PPP6R3: variants seen among roughly 807,000 people sequenced by gnomAD.
The protein encoded by PPP6R3 is serine/threonine-protein phosphatase 6 regulatory subunit 3.
In PPP6R3, 38 loss-of-function variants were observed where a neutral mutation model predicts 110.7. That is an observed-to-expected ratio of 0.34 (90% CI 0.26 to 0.45). The LOEUF (loss-of-function observed/expected upper bound fraction) is 0.45, where lower values mean the gene tolerates loss of function less well. Among genes scored for constraint, PPP6R3 ranks in the 20% least tolerant of loss-of-function variants. PPP6R3 has a pLI of 1.00. For synonymous variants in PPP6R3, 369 were observed against 373.5 expected, an observed-to-expected ratio of 0.99 and a Z score of 0.14; for missense variants, 870 against 1,062.4, an observed-to-expected ratio of 0.82 and a Z score of 2.52.
At chr11:68,563,819 A>G (rs2099441114) in intron 8 of PPP6R3, among the ~76,000 whole-genome samples, 2 of 152,346 alleles carry the variant, frequency 1.3e-5, no homozygotes, top group South Asian at 4.1e-4. Flanking sequence ...AGTAGGTTAT[A>G]ATGAGTATAG....
At position 68,609,952 on chromosome 11, in the gene PPP6R3, AGAG is replaced by A. The variant is rs1464071726; in HGVS notation, c.2503_2505del (p.Glu835del). ...CTCAAGATGCTGCTTGTAAAGACGC[AGAG>A]GAGTGTCCCGAGACTGCAGAGGCGA... On this transcript the variant is annotated inframe_deletion, in exon 23 of 24. Coordinates refer to ENST00000393800, the MANE Select transcript of PPP6R3 (RefSeq NM_001164161.2). 4 of 1,614,180 alleles carry A rather than the reference AGAG, an allele frequency of 2.5e-6. No individual in the cohort carries two copies. In the East Asian group the frequency reaches 6.7e-5, roughly 27 times the overall value.
At chr11:68,484,527 T>A (rs959451432) in intron 1 of PPP6R3, among the ~76,000 whole-genome samples, 3 of 151,814 alleles carry the variant, frequency 2.0e-5, no homozygotes, top group African/African-American at 4.8e-5. Flanking sequence ...GTCCATTTTT[T>A]AATCAGGTTG....
At chr11:68,522,235 A>G (rs921698444) in intron 2 of PPP6R3, among the ~76,000 whole-genome samples, 2 of 152,256 alleles carry the variant, frequency 1.3e-5, no homozygotes, top group African/African-American at 4.8e-5. Flanking sequence ...CTTTGCATCA[A>G]GATCTGCAAA....
In PPP6R3 at chr11:68,511,137, A is replaced by C. The variant is rs1054359018; in HGVS notation, c.-157-8364A>C. ...GGCTGGAGTGCAATGGTGTGATCTC[A>C]GCTCACTGCAACCTCTGCCTCCCGG... On this transcript the variant is annotated intron_variant, in intron 1 of 23. Transcript: ENST00000393800. Among the ~76,000 whole-genome samples the C allele has an allele frequency of 3.4e-5, 5 of 148,402 alleles. No individual in the cohort carries two copies. In the Admixed American group the frequency reaches 3.4e-4, roughly 10 times the overall value.
chr11:68,483,670 C>T (rs2098929377), intron 1 of PPP6R3, among the ~76,000 whole-genome samples: 1 of 152,180 alleles, frequency 6.6e-6, no homozygotes, highest in Admixed American at 6.5e-5. Context: ...TTAGTAGAGA[C>T]AGGGTTTCAC....
chr11:68,487,110 C>T lies in PPP6R3; in HGVS notation c.-158+26283C>T, dbSNP rs574393449. On this transcript the variant is annotated intron_variant, in intron 1 of 23. Transcript: ENST00000393800. The stretch of plus-strand genomic sequence containing the variant: ...TCTAATTCTTCTTTTCTTATGCTTA[C>T]TTTGGAATTAATTTGCTCTACTTTT... 6.6e-5 allele frequency among the ~76,000 whole-genome samples: 10 copies of T among 152,204 alleles called. 1 individual carries two copies. Among genetic ancestry groups the T allele is most frequent in the Non-Finnish European group, 7.4e-5 (5 of 68,020 alleles).
intron 14 of PPP6R3, among the ~76,000 whole-genome samples, chr11:68,577,374 T>C (rs923248659): frequency 2.6e-5 from 4 of 152,242 alleles, no homozygotes; most frequent in Non-Finnish European, 5.9e-5. Flanking sequence ...GGTTCCCACG[T>C]TGATTCCTTT....
At chr11:68,587,503 T>G in intron 15 of PPP6R3, 1 of 199,132 alleles carries the variant, frequency 5.0e-6, no homozygotes, top group Non-Finnish European at 1.0e-5. Flanking sequence ...AGATTGGGGG[T>G]GGAGGAGGTG....
intron 5 of PPP6R3, among the ~76,000 whole-genome samples, chr11:68,548,743 CAGAT>C (rs1270704876): frequency 1.3e-5 from 2 of 152,086 alleles, no homozygotes; most frequent in African/African-American, 4.8e-5. Context: ...AAAATGTAGA[CAGAT>C]GGTGATTTTT....
At chr11:68,500,247 AT>A (rs1326240183) in intron 1 of PPP6R3, among the ~76,000 whole-genome samples, 3 of 151,558 alleles carry the variant, frequency 2.0e-5, no homozygotes, top group Non-Finnish European at 4.4e-5. Context: ...TGATTTTCTA[AT>A]TTTGGCAGTG....
chr11:68,471,537 C>G (rs753882397), intron 1 of PPP6R3, among the ~76,000 whole-genome samples: 7 of 152,136 alleles, frequency 4.6e-5, no homozygotes, highest in African/African-American at 1.7e-4. Context: ...TGGAATTCAT[C>G]GACGATCTTG....
intron 22 of PPP6R3, among the ~76,000 whole-genome samples, chr11:68,607,019 C>G (rs999067433): frequency 6.6e-6 from 1 of 152,136 alleles, no homozygotes; most frequent in Non-Finnish European, 1.5e-5. Context: ...CAGGAATGAT[C>G]TTAACCCAAG....
chr11:68,479,115 A>T (rs1427117241), intron 1 of PPP6R3, among the ~76,000 whole-genome samples: 2 of 152,234 alleles, frequency 1.3e-5, no homozygotes, highest in Non-Finnish European at 2.9e-5. Context: ...TAGGCTATCA[A>T]TAAGCAATCA....
At chr11:68,483,097 T>C (rs1020570478) in intron 1 of PPP6R3, among the ~76,000 whole-genome samples, 1 of 152,232 alleles carries the variant, frequency 6.6e-6, no homozygotes, top group Non-Finnish European at 1.5e-5. Context: ...TTATATTGTT[T>C]AGTGCAGAAA....
At chr11:68,612,175 G>A (rs1339945189) in intron 23 of PPP6R3, among the ~76,000 whole-genome samples, 1 of 152,210 alleles carries the variant, frequency 6.6e-6, no homozygotes, top group Non-Finnish European at 1.5e-5. Flanking sequence ...TTATATACCA[G>A]TTATGTCTAG....
intron 19 of PPP6R3, among the ~76,000 whole-genome samples, chr11:68,597,181 G>A (rs1271355809): frequency 6.6e-6 from 1 of 152,202 alleles, no homozygotes; most frequent in Non-Finnish European, 1.5e-5. Flanking sequence ...GGGTCGGCTG[G>A]GGAAGCAGAT....
chr11:68,494,248 G>C (rs942374506), intron 1 of PPP6R3, among the ~76,000 whole-genome samples: 1 of 149,286 alleles, frequency 6.7e-6, no homozygotes, highest in South Asian at 2.1e-4. Context: ...CATCATGGCC[G>C]GGCACGGTGG....
chr11:68,594,286 G>GA (rs2099605094), intron 18 of PPP6R3, among the ~76,000 whole-genome samples: 1 of 143,290 alleles, frequency 7.0e-6, no homozygotes, highest in African/African-American at 2.6e-5. Flanking sequence ...GAGAGAGAGA[G>GA]AGAGAGGAGA....
chr11:68,537,012 A>G (rs116418344), intron 2 of PPP6R3, among the ~76,000 whole-genome samples: 1,554 of 152,324 alleles, frequency 0.01, 10 homozygotes, highest in African/African-American at 0.012. Context: ...TGAAGTAACA[A>G]ACTCTGTTTT....
Sources: gnomAD v4.1 joint callset for allele counts (sites outside exome capture counted in the v4.1 genomes callset) on GRCh38, gnomAD v4.1.1 for gene constraint, MANE v1.5 for transcripts, NCBI Gene and HGNC (gene_info 2026-07-23, HGNC 2026-07-21) for gene names.